Variants in RIMS1 observed in about 807,000 individuals in gnomAD.
RIMS1 encodes the protein regulating synaptic membrane exocytosis 1, also known as regulating synaptic membrane exocytosis protein 1.
In RIMS1, 83 loss-of-function variants were observed where a neutral mutation model predicts 214.1. The ratio of observed to expected loss-of-function variants is 0.39; its 90% CI spans 0.32 to 0.47. The LOEUF is 0.47. RIMS1 is among the 20% of genes least tolerant of loss of function. The pLI is 0.99. For synonymous variants in RIMS1, 793 were observed against 786.8 expected (o/e 1.01, Z -0.13); for missense variants, 2,050 against 2,161.8 (o/e 0.95, Z 1.03).
At chr6:72,045,227 G>T (rs1822634352) in intron 2 of RIMS1, among the ~76,000 whole-genome samples, 1 of 151,792 alleles carries the variant, frequency 6.6e-6, no homozygotes, top group Non-Finnish European at 1.5e-5. Flanking sequence ...TACTTGTAAA[G>T]ATGATAATGT....
At chr6:72,021,564 T>C (rs1258383140) in intron 2 of RIMS1, among the ~76,000 whole-genome samples, 1 of 152,202 alleles carries the variant, frequency 6.6e-6, no homozygotes, top group Non-Finnish European at 1.5e-5. Context: ...AAGCCCAGTA[T>C]ACCTGGTGCA....
rs1479837493 is a variant in RIMS1, at chr6:72,182,340, G to A, written c.869G>A (p.Arg290Gln). 1 of 1,612,812 alleles carries A rather than the reference G, an allele frequency of 6.2e-7. No individual in the cohort carries two copies. Among genetic ancestry groups the A allele is most frequent in the East Asian group, 2.2e-5 (1 of 44,866 alleles). The change falls in exon 6 of 34, where the codon CGG becomes CAG. Residue 290 changes from arginine to glutamine, a missense_variant. Arg to Gln is a conservative substitution (Grantham distance 43). Transcript: ENST00000521978. The part of the protein sequence containing the change: ...QNGKGALKSE[R>Q]KRVPKTSAQP... ...GGCAAAGGAGCCCTGAAGAGCGAGC[G>A]GAAACGCGTGCCAAAGACCTCAGCG... is the stretch of plus-strand genomic sequence containing the variant.
At chr6:71,899,302 G>T (rs760999679) in intron 1 of RIMS1, among the ~76,000 whole-genome samples, 4 of 151,182 alleles carry the variant, frequency 2.6e-5, no homozygotes, top group Non-Finnish European at 5.9e-5. Flanking sequence ...TAATGTTTTG[G>T]TTTTTTTTAC....
intron 1 of RIMS1, among the ~76,000 whole-genome samples, chr6:71,894,496 A>T (rs942745197): frequency 5.3e-5 from 8 of 152,196 alleles, no homozygotes; most frequent in Admixed American, 3.9e-4. Flanking sequence ...CAACAGAATG[A>T]TGCTTTTTAT....
chr6:71,901,101 CAAGG>C (rs1773466470), intron 1 of RIMS1, among the ~76,000 whole-genome samples: 1 of 151,968 alleles, frequency 6.6e-6, no homozygotes. Context: ...GATGAACAAA[CAAGG>C]AAGACTGGAA....
Position 71,886,969 on chromosome 6 carries a change from G to C in RIMS1, c.-55G>C. On this transcript the variant is annotated 5_prime_UTR_variant, in exon 1 of 34. Coordinates refer to ENST00000521978, the MANE Select transcript of RIMS1 (RefSeq NM_014989.7). The stretch of plus-strand genomic sequence containing the variant: ...AAGCAGGGGCGCAGCTGCTGGGCGT[G>C]CATCCGAAAGGTGAGAGCCAGAGAG... The C allele has an allele frequency of 1.3e-6, 2 of 1,579,150 alleles. No individual in the cohort carries two copies. Among genetic ancestry groups the C allele is most frequent in the Non-Finnish European group, 1.7e-6 (2 of 1,159,868 alleles).
chr6:72,290,791 A>G lies in RIMS1; in HGVS notation c.3667A>G (p.Ile1223Val), dbSNP rs747607657. The G allele has an allele frequency of 2.5e-6, 4 of 1,613,820 alleles. No individual in the cohort carries two copies. The highest frequency in any genetic ancestry group is 3.3e-5 in the Admixed American group (2 of 60,002). Reference protein sequence around the residue: ...ARSRSSEHSSIRTLCSMHHLV... With the variant: ...ARSRSSEHSSVRTLCSMHHLV... Reference sequence around the variant, plus strand: ...CTCAAGGTCGAGTGAGCACTCTAGTATCAGAACACTGTGTTCTATGCACCA... The same window carrying G: ...CTCAAGGTCGAGTGAGCACTCTAGTGTCAGAACACTGTGTTCTATGCACCA... The change falls in exon 25 of 34, where the codon ATC becomes GTC. Residue 1223 changes from isoleucine (I) to valine (V), a missense_variant. Transcript: ENST00000521978.
intron 4 of RIMS1, among the ~76,000 whole-genome samples, chr6:72,118,007 C>T (rs1305947662): frequency 6.6e-6 from 1 of 151,614 alleles, no homozygotes; most frequent in Non-Finnish European, 1.5e-5. Flanking sequence ...AAAAGATATA[C>T]AAAATCAATA....
At chr6:72,188,120 C>A (rs2049434343) in intron 6 of RIMS1, among the ~76,000 whole-genome samples, 1 of 149,322 alleles carries the variant, frequency 6.7e-6, no homozygotes, top group African/African-American at 2.5e-5. Flanking sequence ...TGTTCCTGTG[C>A]AGATTGAGTG....
chr6:72,313,128 C>T (rs2095594768), intron 27 of RIMS1, among the ~76,000 whole-genome samples: 1 of 151,610 alleles, frequency 6.6e-6, no homozygotes, highest in Admixed American at 6.6e-5. Context: ...TATACTTTGA[C>T]TAGAGTAGAA....
chr6:72,063,715 T>C (rs1024659156), intron 2 of RIMS1, among the ~76,000 whole-genome samples: 1 of 152,248 alleles, frequency 6.6e-6, no homozygotes, highest in Non-Finnish European at 1.5e-5. Flanking sequence ...TAAATGTGGT[T>C]CTTAATGATG....
At chr6:71,948,233 G>T (rs1788464364) in intron 1 of RIMS1, among the ~76,000 whole-genome samples, 1 of 152,118 alleles carries the variant, frequency 6.6e-6, no homozygotes, top group African/African-American at 2.4e-5. Flanking sequence ...CAGATGAGTT[G>T]TTCTGATCAT....
intron 29 of RIMS1, among the ~76,000 whole-genome samples, chr6:72,386,975 C>A (rs2098619808): frequency 6.6e-6 from 1 of 152,008 alleles, no homozygotes; most frequent in Non-Finnish European, 1.5e-5. Context: ...ACCTCGTGAT[C>A]CACCCGCCTC....
At chr6:72,382,939 A>G (rs984858467) in intron 29 of RIMS1, among the ~76,000 whole-genome samples, 5 of 152,222 alleles carry the variant, frequency 3.3e-5, no homozygotes, top group Non-Finnish European at 7.3e-5. Flanking sequence ...GTTTGACTAC[A>G]TTGGTGCTGT....
intron 4 of RIMS1, among the ~76,000 whole-genome samples, chr6:72,112,901 C>G (rs1183733717): frequency 2.0e-5 from 3 of 152,112 alleles, no homozygotes; most frequent in Non-Finnish European, 4.4e-5. Context: ...GCACAGGTAG[C>G]CACTCTAAAT....
At chr6:72,069,913 C>G (rs1322454147) in intron 2 of RIMS1, among the ~76,000 whole-genome samples, 2 of 152,152 alleles carry the variant, frequency 1.3e-5, no homozygotes. Context: ...GATAGAGGTG[C>G]AGATACAGTG....
chr6:71,923,827 G>C (rs2150794293), intron 1 of RIMS1, among the ~76,000 whole-genome samples: 1 of 152,236 alleles, frequency 6.6e-6, no homozygotes, highest in East Asian at 1.9e-4. Flanking sequence ...GCCTCCCAAA[G>C]TGCTGGGATT....
chr6:72,006,886 C>A (rs189842375), intron 2 of RIMS1, among the ~76,000 whole-genome samples: 2 of 152,230 alleles, frequency 1.3e-5, no homozygotes, highest in African/African-American at 2.4e-5. Context: ...TTTGTAGACT[C>A]CACCTCTGGG....
chr6:72,323,044 G>A (rs1016189314), intron 28 of RIMS1, among the ~76,000 whole-genome samples: 1 of 151,992 alleles, frequency 6.6e-6, no homozygotes, highest in East Asian at 1.9e-4. Flanking sequence ...ATAGTTAGAG[G>A]GGTATGACAA....
Sources: gnomAD v4.1 joint callset for allele counts (sites outside exome capture counted in the v4.1 genomes callset) on GRCh38, gnomAD v4.1.1 for gene constraint, MANE v1.5 for transcripts, NCBI Gene and HGNC (gene_info 2026-07-23, HGNC 2026-07-21) for gene names.